Variants in CSMD1 observed in about 807,000 individuals in gnomAD.
The protein encoded by CSMD1 is CUB and sushi domain-containing protein 1.
A neutral mutation model predicts 417.5 loss-of-function variants in CSMD1; 213 were observed. The ratio of observed to expected loss-of-function variants is 0.51; its 90% CI spans 0.46 to 0.57. The LOEUF is 0.57. Ranked by LOEUF, CSMD1 falls within the 20% of genes least tolerant of loss-of-function variation. The pLI is 0.00. For synonymous variants in CSMD1, 2,862 were observed against 1,736.8 expected (o/e 1.65, Z -16.11); for missense variants, 6,923 against 4,529.7 (o/e 1.53, Z -15.17).
intron 3 of CSMD1, among the ~76,000 whole-genome samples, chr8:4,133,376 A>G (rs530483934): frequency 4.2e-4 from 64 of 152,332 alleles, no homozygotes; most frequent in South Asian, 2.5e-3. Context: ...ATAAAGTGAC[A>G]CTTTATAACA....
intron 10 of CSMD1, among the ~76,000 whole-genome samples, chr8:3,530,163 C>T (rs905020251): frequency 6.6e-6 from 1 of 152,104 alleles, no homozygotes; most frequent in African/African-American, 2.4e-5. Context: ...TTTCTCTATT[C>T]ATCTCTCCTC....
intron 3 of CSMD1, among the ~76,000 whole-genome samples, chr8:4,112,234 AC>A (rs1419610471): frequency 2.0e-5 from 3 of 152,134 alleles, no homozygotes; most frequent in Admixed American, 2.0e-4. Context: ...TGTGAAGCTC[AC>A]CTCCTGAGGT....
chr8:3,762,522 T>TAA, intron 5 of CSMD1, among the ~76,000 whole-genome samples: 1 of 152,238 alleles, frequency 6.6e-6, no homozygotes, highest in African/African-American at 2.4e-5. Flanking sequence ...GTTTATATCC[T>TAA]CTGTGACTCA....
chr8:4,497,725 C>G (rs956075797), intron 2 of CSMD1, among the ~76,000 whole-genome samples: 4 of 152,206 alleles, frequency 2.6e-5, no homozygotes, highest in Non-Finnish European at 4.4e-5. Context: ...AAATACACAA[C>G]TCCTTTCAGC....
chr8:4,912,989 G>T (rs192654003), intron 1 of CSMD1, among the ~76,000 whole-genome samples: 2 of 152,028 alleles, frequency 1.3e-5, no homozygotes, highest in Non-Finnish European at 1.5e-5. Context: ...GGGTTTTACC[G>T]TGTTGGCCAG....
At chr8:3,358,180 C>T (rs1052055306) in intron 21 of CSMD1, among the ~76,000 whole-genome samples, 3 of 152,194 alleles carry the variant, frequency 2.0e-5, no homozygotes, top group Admixed American at 6.5e-5. Context: ...CACCTGCCTC[C>T]AGTTCGTTAA....
At chr8:3,467,009 A>G (rs905693918) in intron 12 of CSMD1, among the ~76,000 whole-genome samples, 3 of 152,178 alleles carry the variant, frequency 2.0e-5, no homozygotes, top group Admixed American at 6.5e-5. Context: ...TGAATTGGCC[A>G]TCTCTCAAGG....
rs1491479503 is a variant in CSMD1, at chr8:3,520,019, C to CATATATATATATATATAT, written c.1345-26294_1345-26293insATATATATATATATATAT. Among the ~76,000 whole-genome samples, 100 of 114,000 alleles carry CATATATATATATATATAT rather than the reference C, an allele frequency of 8.8e-4. 2 individuals carry two copies. The highest frequency in any genetic ancestry group is 3.2e-3 in the African/African-American group (79 of 24,714). 74.8% of individuals were successfully genotyped at this position (114,000 alleles called of 152,430 possible). On this transcript the variant is annotated intron_variant, in intron 10 of 69. Transcript: ENST00000635120. ...ATATATATGTGTGTGTGTGTATATA[C>CATATATATATATATATAT]CTATATATATATATATATATACACG...
chr8:3,854,833 A>T (rs1804182404), intron 5 of CSMD1, among the ~76,000 whole-genome samples: 1 of 152,204 alleles, frequency 6.6e-6, no homozygotes, highest in Non-Finnish European at 1.5e-5. Context: ...ACATAACAAA[A>T]ACAGGGAATT....
intron 2 of CSMD1, among the ~76,000 whole-genome samples, chr8:4,471,763 C>A (rs578115726): frequency 6.6e-6 from 1 of 152,144 alleles, no homozygotes; most frequent in South Asian, 2.1e-4. Flanking sequence ...ATTTCTTTAG[C>A]GTCACAAAGG....
intron 6 of CSMD1, among the ~76,000 whole-genome samples, chr8:3,725,678 G>A (rs1177492327): frequency 1.3e-5 from 2 of 150,444 alleles, no homozygotes; most frequent in African/African-American, 2.5e-5. Context: ...GGTCTCAGAT[G>A]TGGCAGGGGC....
At position 2,951,126 on chromosome 8, in the gene CSMD1, G is replaced by C. The variant is rs185826217; in HGVS notation, c.10189C>G (p.Leu3397Val). Reference protein sequence around the residue: ...ATFSEASPVELKLTGIYKKEE... With the variant: ...ATFSEASPVEVKLTGIYKKEE... ...CTTCGGGACCTACCTGTCAACTTCA[G>C]CTCCACTGGCGAGGCTTCGCTGAAG... Residue 3397 changes from leucine (L) to valine (V), a missense_variant, in exon 66 of 70, where the codon CTG becomes GTG. Physicochemically the swap from Leu to Val is conservative, Grantham distance 32. Transcript: ENST00000635120. 6 of 1,612,858 alleles carry C rather than the reference G, an allele frequency of 3.7e-6. No individual in the cohort carries two copies. The East Asian group carries it at 1.3e-4, about 36-fold the overall frequency.
intron 1 of CSMD1, among the ~76,000 whole-genome samples, chr8:4,689,928 G>A (rs1431533247): frequency 6.6e-6 from 1 of 152,156 alleles, no homozygotes; most frequent in Non-Finnish European, 1.5e-5. Context: ...AGCTACAAAT[G>A]TTATCACTTT....
At chr8:4,493,682 G>A (rs1801837851) in intron 2 of CSMD1, among the ~76,000 whole-genome samples, 1 of 152,048 alleles carries the variant, frequency 6.6e-6, no homozygotes, top group African/African-American at 2.4e-5. Flanking sequence ...GTGAGAGAGT[G>A]CAACTCTACC....
intron 1 of CSMD1, among the ~76,000 whole-genome samples, chr8:4,923,628 T>C (rs1432162247): frequency 6.6e-6 from 1 of 152,164 alleles, no homozygotes; most frequent in Non-Finnish European, 1.5e-5. Flanking sequence ...TACACTTGTA[T>C]TCTACATTGC....
intron 4 of CSMD1, among the ~76,000 whole-genome samples, chr8:4,003,270 G>C (rs969718646): frequency 1.3e-5 from 2 of 152,048 alleles, no homozygotes; most frequent in South Asian, 2.1e-4. Context: ...ACGGGCACTT[G>C]TAATCCCAGC....
At chr8:3,164,737 C>T (rs911940406) in intron 37 of CSMD1, among the ~76,000 whole-genome samples, 19 of 152,072 alleles carry the variant, frequency 1.2e-4, no homozygotes, top group Middle Eastern at 3.4e-3. Flanking sequence ...TGACACAGAA[C>T]GAAGAATATC....
At chr8:4,975,913 C>G (rs1241067848) in intron 1 of CSMD1, among the ~76,000 whole-genome samples, 2 of 152,150 alleles carry the variant, frequency 1.3e-5, no homozygotes, top group Non-Finnish European at 2.9e-5. Context: ...CTATGTTGCT[C>G]ACATTGGCCA....
chr8:3,866,198 G>C, intron 5 of CSMD1, among the ~76,000 whole-genome samples: 1 of 152,152 alleles, frequency 6.6e-6, no homozygotes. Context: ...GCCTAAATGA[G>C]TAAAGCATTA....
Sources: allele counts gnomAD v4.1 joint callset (sites outside exome capture counted in the v4.1 genomes callset), GRCh38; gene constraint gnomAD v4.1.1; transcripts MANE v1.5; gene names NCBI Gene and HGNC (gene_info 2026-07-23, HGNC 2026-07-21).